NALF1: variants seen among roughly 807,000 people sequenced by gnomAD.
NALF1 encodes NALCN channel auxiliary factor 1.
NALF1 carries 3 observed loss-of-function variants against 48.4 expected under a neutral mutation model. The observed-to-expected ratio is 0.06, with a 90% CI of 0.03 to 0.16. The LOEUF (loss-of-function observed/expected upper bound fraction) is 0.16. Among genes scored for constraint, NALF1 ranks in the 10% least tolerant of loss-of-function variants. The pLI is 1.00. For missense variants in NALF1, 526 were observed against 571.5 expected (o/e 0.92, Z 0.81); for synonymous variants, 262 against 245.7 (o/e 1.07, Z -0.62).
chr13:107,347,824 G>A (rs1882801876), intron 1 of NALF1, among the ~76,000 whole-genome samples: 3 of 152,292 alleles, frequency 2.0e-5, no homozygotes, highest in Admixed American at 6.5e-5. Context: ...ATGTGATGAC[G>A]ATAAGAGTTA....
intron 1 of NALF1, among the ~76,000 whole-genome samples, chr13:107,492,247 C>A (rs1875162032): frequency 6.6e-6 from 1 of 151,866 alleles, no homozygotes; most frequent in Admixed American, 6.6e-5. Context: ...ATGGGTGTCA[C>A]CATGTTGGCC....
At chr13:107,863,222 A>G (rs1245103618) in intron 1 of NALF1, among the ~76,000 whole-genome samples, 1 of 152,104 alleles carries the variant, frequency 6.6e-6, no homozygotes, top group African/African-American at 2.4e-5. Context: ...GAAATAAGTA[A>G]AAGTGTTCAG....
In NALF1 at chr13:107,185,604, C is replaced by T. The variant is rs368606957; in HGVS notation, c.1088-14818G>A. Among the ~76,000 whole-genome samples the T allele has an allele frequency of 1.1e-3, 162 of 152,108 alleles. 1 individual carries two copies. The highest frequency in any genetic ancestry group is 3.7e-3 in the African/African-American group (155 of 41,482). Reference sequence around the variant, plus strand: ...TCACCAATATTGAGGTCCTATGTTGCCCTCTTTCTCCAATAACTCTTTTGT... The same window carrying T: ...TCACCAATATTGAGGTCCTATGTTGTCCTCTTTCTCCAATAACTCTTTTGT... On this transcript the variant is annotated intron_variant, in intron 2 of 2. Transcript: ENST00000375915.
chr13:107,358,791 T>A (rs1883008854), intron 1 of NALF1, among the ~76,000 whole-genome samples: 1 of 152,116 alleles, frequency 6.6e-6, no homozygotes, highest in African/African-American at 2.4e-5. Context: ...AAATGTTGAT[T>A]TCGATGAGTC....
In NALF1 at chr13:107,601,837, A is replaced by C. The variant is rs201966747; in HGVS notation, c.915+263845T>G. Among the ~76,000 whole-genome samples, 3,363 of 152,252 alleles carry C rather than the reference A, an allele frequency of 0.022. 215 individuals carry two copies. In the East Asian group the frequency reaches 0.26, roughly 12 times the overall value. ...ATAGACATATTCTTAGCTAAAAAAA[A>C]AATGCTGTTACTTAAACCCAATATC... On this transcript the variant is annotated intron_variant, in intron 1 of 2. Transcript: ENST00000375915.
chr13:107,257,298 ACAGGATT>A (rs1302127751), intron 1 of NALF1, among the ~76,000 whole-genome samples: 7 of 152,126 alleles, frequency 4.6e-5, no homozygotes, highest in African/African-American at 1.7e-4. Flanking sequence ...TATTCATACC[ACAGGATT>A]TGGTAGGAAT....
intron 1 of NALF1, among the ~76,000 whole-genome samples, chr13:107,616,138 G>T (rs957805646): frequency 6.6e-6 from 1 of 152,130 alleles, no homozygotes; most frequent in Non-Finnish European, 1.5e-5. Flanking sequence ...GCATAAACAA[G>T]ATGGAAACTT....
At chr13:107,551,668 T>C (rs533952412) in intron 1 of NALF1, among the ~76,000 whole-genome samples, 5 of 152,282 alleles carry the variant, frequency 3.3e-5, no homozygotes, top group African/African-American at 1.2e-4. Context: ...ATATAATTTC[T>C]GGAGTTTCAA....
chr13:107,281,026 A>G (rs890850674), intron 1 of NALF1, among the ~76,000 whole-genome samples: 1 of 152,244 alleles, frequency 6.6e-6, no homozygotes, highest in Admixed American at 6.5e-5. Context: ...ATATGTCCAT[A>G]GCACATGCAA....
intron 1 of NALF1, among the ~76,000 whole-genome samples, chr13:107,501,553 C>T (rs16970341): frequency 0.21 from 31,967 of 151,988 alleles, 3,835 homozygotes; most frequent in East Asian, 0.27. Context: ...GTCAGGTAAA[C>T]GGTATTTCAT....
At chr13:107,399,402 T>C (rs547490970) in intron 1 of NALF1, among the ~76,000 whole-genome samples, 1 of 152,224 alleles carries the variant, frequency 6.6e-6, no homozygotes, top group Admixed American at 6.5e-5. Flanking sequence ...ATCTAACCTA[T>C]ACTGTACTTT....
In NALF1 at chr13:107,430,671, T is replaced by TG. The variant is rs374758357; in HGVS notation, c.916-219917dup. 6.0e-3 allele frequency among the ~76,000 whole-genome samples: 907 copies of TG among 152,320 alleles called. 13 individuals are homozygous for TG. Among genetic ancestry groups the TG allele is most frequent in the African/African-American group, 0.02 (824 of 41,562 alleles). The stretch of plus-strand genomic sequence containing the variant: ...TGCATAGTATTCCATGGTGTATATG[T>TG]GCCACATTTTCTTAATCCAGTCTAT... On this transcript the variant is annotated intron_variant, in intron 1 of 2. Coordinates refer to ENST00000375915, the MANE Select transcript of NALF1 (RefSeq NM_001080396.3).
At chr13:107,408,773 A>G (rs1207809356) in intron 1 of NALF1, among the ~76,000 whole-genome samples, 1 of 152,134 alleles carries the variant, frequency 6.6e-6, no homozygotes, top group African/African-American at 2.4e-5. Flanking sequence ...AAAATACTAC[A>G]CAGTGAATAA....
In NALF1 at chr13:107,690,078, T is replaced by A. The variant is rs145205198; in HGVS notation, c.915+175604A>T. Among the ~76,000 whole-genome samples, 807 of 152,344 alleles carry A rather than the reference T, an allele frequency of 5.3e-3. 2 individuals are homozygous for A. Among genetic ancestry groups the A allele is most frequent in the Non-Finnish European group, 8.1e-3 (550 of 68,036 alleles). On this transcript the variant is annotated intron_variant, in intron 1 of 2. Coordinates refer to ENST00000375915, the MANE Select transcript of NALF1 (RefSeq NM_001080396.3). ...GCCGATTTAACACTTAAAGCAATCC[T>A]TGCAAGTAAGTCTTATTGTTCCTAT...
At position 107,694,681 on chromosome 13, in the gene NALF1, T is replaced by C. The variant is rs548866070; in HGVS notation, c.915+171001A>G. Among the ~76,000 whole-genome samples the C allele has an allele frequency of 4.6e-5, 7 of 152,354 alleles. No individual in the cohort carries two copies. In the East Asian group the frequency reaches 1.4e-3, roughly 29 times the overall value. ...AAATTTAATTTTATCAAAATAGTCC[T>C]GATTTCTTAAGCAAAAAATATTAAT... is the stretch of plus-strand genomic sequence containing the variant. On this transcript the variant is annotated intron_variant, in intron 1 of 2. Coordinates refer to ENST00000375915, the MANE Select transcript of NALF1 (RefSeq NM_001080396.3).
intron 1 of NALF1, among the ~76,000 whole-genome samples, chr13:107,657,056 C>T (rs1880597850): frequency 1.3e-5 from 2 of 151,952 alleles, no homozygotes; most frequent in Admixed American, 6.6e-5. Flanking sequence ...AAAGACTACA[C>T]ATTGGGTACA....
intron 1 of NALF1, among the ~76,000 whole-genome samples, chr13:107,446,058 C>T (rs1884645338): frequency 6.6e-6 from 1 of 152,016 alleles, no homozygotes; most frequent in African/African-American, 2.4e-5. Context: ...CCTGCCTCAG[C>T]CTCCCGAGTA....
At chr13:107,236,723 ATCTATC>A (rs1247634633) in intron 1 of NALF1, among the ~76,000 whole-genome samples, 1 of 143,428 alleles carries the variant, frequency 7.0e-6, no homozygotes. Flanking sequence ...CTATCTATCT[ATCTATC>A]TATCTATCAT....
At chr13:107,697,031 T>C (rs1881716041) in intron 1 of NALF1, among the ~76,000 whole-genome samples, 1 of 152,162 alleles carries the variant, frequency 6.6e-6, no homozygotes, top group African/African-American at 2.4e-5. Flanking sequence ...AGCTATTGTG[T>C]TTAATGATCA....
Sources: gnomAD v4.1 joint callset for allele counts (sites outside exome capture counted in the v4.1 genomes callset) on GRCh38, gnomAD v4.1.1 for gene constraint, MANE v1.5 for transcripts, NCBI Gene and HGNC (gene_info 2026-07-23, HGNC 2026-07-21) for gene names.